TCERG1L: variants seen among roughly 807,000 people sequenced by gnomAD.
TCERG1L encodes the protein transcription elongation regulator 1-like protein.
Under a neutral mutation model 56.3 loss-of-function variants are expected in TCERG1L, and 37 were observed. The observed-to-expected ratio is 0.66, with a 90% CI of 0.51 to 0.87. The LOEUF (loss-of-function observed/expected upper bound fraction) is 0.87, where lower values mean the gene tolerates loss of function less well. TCERG1L is among the 40% of genes least tolerant of loss of function. The pLI, the probability that TCERG1L is intolerant of heterozygous loss-of-function variation, is 0.00. For missense variants in TCERG1L, 799 were observed against 774.2 expected, an observed-to-expected ratio of 1.03 and a Z score of -0.38; for synonymous variants, 324 against 326.3, an observed-to-expected ratio of 0.99 and a Z score of 0.08.
In TCERG1L at chr10:131,293,724, T is replaced by A. The variant is rs547309548; in HGVS notation, c.670+14487A>T. On this transcript the variant is annotated intron_variant, in intron 3 of 11. Transcript: ENST00000368642. ...AAGCCCCTCTCAGGTTTATTTTCTC[T>A]AAAATAAATCTGTCTTTAACTGTTA... Among the ~76,000 whole-genome samples the A allele has an allele frequency of 5.3e-5, 8 of 152,342 alleles. No homozygotes were observed. The East Asian group carries it at 1.5e-3, about 29-fold the overall frequency.
chr10:131,201,050 C>A (rs1361566639), intron 4 of TCERG1L, among the ~76,000 whole-genome samples: 1 of 152,162 alleles, frequency 6.6e-6, no homozygotes, highest in African/African-American at 2.4e-5. Context: ...CTTTTGTGGT[C>A]TCATGACCTG....
chr10:131,213,556 C>T (rs1361402568), intron 4 of TCERG1L, among the ~76,000 whole-genome samples: 1 of 152,208 alleles, frequency 6.6e-6, no homozygotes, highest in South Asian at 2.1e-4. Flanking sequence ...CTCTGTCTGG[C>T]CCGGCTGCGC....
At chr10:131,151,150 T>A (rs555442428) in intron 6 of TCERG1L, among the ~76,000 whole-genome samples, 1 of 152,312 alleles carries the variant, frequency 6.6e-6, no homozygotes, top group East Asian at 1.9e-4. Flanking sequence ...CCAAATCTCA[T>A]GTTCCTTTCA....
chr10:131,259,061 C>A (rs900410437), intron 4 of TCERG1L, among the ~76,000 whole-genome samples: 3 of 152,104 alleles, frequency 2.0e-5, no homozygotes, highest in Admixed American at 2.0e-4. Flanking sequence ...CATAGAAATA[C>A]AATTTTGATC....
At position 131,223,079 on chromosome 10, in the gene TCERG1L, G is replaced by A. The variant is rs572974827; in HGVS notation, c.856+37180C>T. ...TTCTTAGTGCCCCTGATCAACCGGC[G>A]GGGACGAGATCCCAGAGGATGCCGG... On this transcript the variant is annotated intron_variant, in intron 4 of 11. Coordinates refer to ENST00000368642, the MANE Select transcript of TCERG1L (RefSeq NM_174937.4). Among the ~76,000 whole-genome samples the A allele has an allele frequency of 7.9e-5, 12 of 152,286 alleles. No homozygotes were observed. In the East Asian group the frequency reaches 1.4e-3, roughly 17 times the overall value.
intron 10 of TCERG1L, among the ~76,000 whole-genome samples, chr10:131,098,980 A>G (rs1221246651): frequency 6.6e-6 from 1 of 152,154 alleles, no homozygotes; most frequent in Non-Finnish European, 1.5e-5. Context: ...CCACTTGTGA[A>G]CCTGGGCGTC....
intron 4 of TCERG1L, among the ~76,000 whole-genome samples, chr10:131,220,394 G>T (rs1265478975): frequency 2.0e-5 from 3 of 152,204 alleles, no homozygotes; most frequent in Non-Finnish European, 4.4e-5. Flanking sequence ...CAGGACGCAG[G>T]ACTGACCATT....
intron 6 of TCERG1L, among the ~76,000 whole-genome samples, chr10:131,155,246 C>A (rs1375706436): frequency 1.3e-5 from 2 of 152,212 alleles, no homozygotes; most frequent in Non-Finnish European, 2.9e-5. Context: ...CTGTTAACTT[C>A]TTGGCATAAC....
chr10:131,253,769 G>A (rs1275521799), intron 4 of TCERG1L, among the ~76,000 whole-genome samples: 3 of 152,136 alleles, frequency 2.0e-5, no homozygotes, highest in Admixed American at 2.0e-4. Flanking sequence ...CACAGGTGTG[G>A]CTGGATGCTG....
chr10:131,239,998 G>A (rs144371395), intron 4 of TCERG1L, among the ~76,000 whole-genome samples: 26 of 152,258 alleles, frequency 1.7e-4, no homozygotes, highest in African/African-American at 5.5e-4. Flanking sequence ...CACACACCCC[G>A]TGGTTTCAGG....
At position 131,151,969 on chromosome 10, in the gene TCERG1L, C is replaced by T. The variant is rs571505973; in HGVS notation, c.1035-5309G>A. On this transcript the variant is annotated intron_variant, in intron 6 of 11. Transcript: ENST00000368642. Reference sequence around the variant, plus strand: ...GTACTTTTGCCCCTTTTAGCCATGGCTGATGCTGAAGCAGCTAGGATGCAG... The same window carrying T: ...GTACTTTTGCCCCTTTTAGCCATGGTTGATGCTGAAGCAGCTAGGATGCAG... Among the ~76,000 whole-genome samples, 190 of 152,324 alleles carry T rather than the reference C, an allele frequency of 1.2e-3. 1 individual carries two copies. Among genetic ancestry groups the T allele is most frequent in the Middle Eastern group, 3.4e-3 (1 of 294 alleles).
At chr10:131,275,149 C>A (rs944301432) in intron 3 of TCERG1L, among the ~76,000 whole-genome samples, 3 of 152,242 alleles carry the variant, frequency 2.0e-5, no homozygotes, top group Non-Finnish European at 4.4e-5. Flanking sequence ...GGCCTCCTCC[C>A]ACAGAGCTAA....
At chr10:131,210,563 G>A (rs1378886579) in intron 4 of TCERG1L, among the ~76,000 whole-genome samples, 1 of 152,210 alleles carries the variant, frequency 6.6e-6, no homozygotes, top group Non-Finnish European at 1.5e-5. Context: ...AAGTGGCACA[G>A]CTTTGCCAAG....
At chr10:131,271,696 T>C (rs1181658189) in intron 3 of TCERG1L, among the ~76,000 whole-genome samples, 1 of 152,188 alleles carries the variant, frequency 6.6e-6, no homozygotes, top group Non-Finnish European at 1.5e-5. Context: ...CCAGGACAGA[T>C]CTGCCTCTGA....
chr10:131,253,763 G>T (rs1199112430), intron 4 of TCERG1L, among the ~76,000 whole-genome samples: 1 of 152,116 alleles, frequency 6.6e-6, no homozygotes, highest in Non-Finnish European at 1.5e-5. Context: ...ACAGTGCACA[G>T]GTGTGGCTGG....
rs192271138 is a variant in TCERG1L at position 131,146,569 on chromosome 10, G to A, written c.1126C>T (p.Arg376Cys). ...TCAATGATCCTGTTGAGGTCTCCGC[G>A]GTCCTTCAGGTCCATGGGCTTCTCC... is the stretch of plus-strand genomic sequence containing the variant. ...VWEKPMDLKD[R>C]GDLNRIIEDP... The change falls in exon 7 of 12, where the codon CGC becomes TGC. Residue 376 changes from arginine to cysteine, a missense_variant. Transcript: ENST00000368642. The A allele has an allele frequency of 2.3e-4, 364 of 1,613,848 alleles. 3 individuals carry two copies. In the East Asian group the frequency reaches 6.4e-3, roughly 29 times the overall value.
intron 4 of TCERG1L, among the ~76,000 whole-genome samples, chr10:131,234,656 G>A (rs1368250196): frequency 6.6e-6 from 1 of 152,122 alleles, no homozygotes; most frequent in African/African-American, 2.4e-5. Context: ...AGCATGTGTG[G>A]TTCACTAAGC....
At chr10:131,286,918 G>A (rs564435751) in intron 3 of TCERG1L, among the ~76,000 whole-genome samples, 4 of 152,308 alleles carry the variant, frequency 2.6e-5, no homozygotes, top group African/African-American at 4.8e-5. Flanking sequence ...AGCCCAGATC[G>A]AGACGTGTTG....
At chr10:131,280,876 G>C (rs1846444417) in intron 3 of TCERG1L, among the ~76,000 whole-genome samples, 1 of 152,128 alleles carries the variant, frequency 6.6e-6, no homozygotes, top group African/African-American at 2.4e-5. Flanking sequence ...GAACCCAAGC[G>C]ACTGTCCTTT....
Sources: allele counts gnomAD v4.1 joint callset (sites outside exome capture counted in the v4.1 genomes callset), GRCh38; gene constraint gnomAD v4.1.1; transcripts MANE v1.5; gene names NCBI Gene and HGNC (gene_info 2026-07-23, HGNC 2026-07-21).